The following ZBTB49 variants were observed in gnomAD, a reference collection of about 807,000 sequenced individuals.
ZBTB49 encodes zinc finger and BTB domain containing 49.
Under a neutral mutation model 57.5 loss-of-function variants are expected in ZBTB49, and 43 were observed. That is an observed-to-expected ratio of 0.75 (90% CI 0.59 to 0.97). The LOEUF is 0.97. ZBTB49 is among the 50% of genes least tolerant of loss of function. The pLI, the probability that ZBTB49 is intolerant of heterozygous loss-of-function variation, is 0.00. For synonymous variants in ZBTB49, 369 were observed against 362.1 expected, an observed-to-expected ratio of 1.02 and a Z score of -0.22; for missense variants, 938 against 947.7, an observed-to-expected ratio of 0.99 and a Z score of 0.13.
Position 4,315,969 on chromosome 4 carries a change from C to A in ZBTB49, c.1620C>A (p.Cys540Ter). Reference protein sequence around the residue: ...TGERPYSCSACGKCFGGSGDL... With the variant: ...TGERPYSCSA ...AGCGGCCTTACAGCTGCTCTGCCTG[C>A]GGTGAGTTTGGGTTTCTGGCTGTCC... Residue 540 changes from cysteine (C) to a stop codon, truncating the protein, a stop_gained and splice_region_variant, in exon 7 of 8, where the codon TGC becomes TGA. Transcript: ENST00000337872. LOFTEE classifies it low-confidence loss of function (END_TRUNC). 1 of 1,613,614 alleles carries A rather than the reference C, an allele frequency of 6.2e-7. No homozygotes were observed.
chr4:4,292,163 C>A (rs1195911128), intron 1 of ZBTB49, among the ~76,000 whole-genome samples: 4 of 152,162 alleles, frequency 2.6e-5, no homozygotes, highest in Non-Finnish European at 5.9e-5. Flanking sequence ...TGCCTGTAAT[C>A]CCAGCTACTC....
rs368884586 is a variant in ZBTB49, at chr4:4,303,135, C to T, written c.1255+44C>T. The T allele has an allele frequency of 4.4e-5, 67 of 1,514,368 alleles. No homozygotes were observed. The African/African-American group carries it at 7.7e-4, about 17-fold the overall frequency. 93.8% of individuals were successfully genotyped at this position (1,514,368 alleles called of 1,614,324 possible). Reference sequence around the variant, plus strand: ...ACAGGCAGAAGGGAAGGACGTAATGCGGATGCTCAGACACCACTGGCTCTT... The same window carrying T: ...ACAGGCAGAAGGGAAGGACGTAATGTGGATGCTCAGACACCACTGGCTCTT... On this transcript the variant is annotated intron_variant, in intron 3 of 7. Coordinates refer to ENST00000337872, the MANE Select transcript of ZBTB49 (RefSeq NM_145291.4).
intron 1 of ZBTB49, 64 bp from the exon 2 acceptor site, chr4:4,299,863 G>C: frequency 6.7e-7 from 1 of 1,499,342 alleles, no homozygotes; most frequent in Non-Finnish European, 9.1e-7. Flanking sequence ...GTAAGTTTCA[G>C]TCCCATTTAG....
chr4:4,307,863 A>G (rs756962325), intron 4 of ZBTB49, among the ~76,000 whole-genome samples: 3 of 152,202 alleles, frequency 2.0e-5, no homozygotes, highest in Non-Finnish European at 4.4e-5. Context: ...ACTAGAGCTG[A>G]AAGCCCTTTA....
Position 4,314,909 on chromosome 4 carries a change from T to A in ZBTB49, c.1377-727T>A, listed in dbSNP as rs186511809. Among the ~76,000 whole-genome samples, 189 of 152,326 alleles carry A rather than the reference T, an allele frequency of 1.2e-3. 4 individuals are homozygous for A. The East Asian group carries it at 0.033, about 26-fold the overall frequency. On this transcript the variant is annotated intron_variant, in intron 5 of 7. Coordinates refer to ENST00000337872, the MANE Select transcript of ZBTB49 (RefSeq NM_145291.4). ...GAATGACTAGATGGGATAATGGTTG[T>A]TAAACATGTAACCGATCACCTGCAC... is the stretch of plus-strand genomic sequence containing the variant.
chr4:4,304,926 T>G (rs543914608), intron 3 of ZBTB49, among the ~76,000 whole-genome samples: 2 of 83,752 alleles, frequency 2.4e-5, no homozygotes, highest in Non-Finnish European at 4.8e-5. Flanking sequence ...CAAAAGCTCT[T>G]TAGGACCTCA....
At chr4:4,295,766 C>G (rs569364619) in intron 1 of ZBTB49, among the ~76,000 whole-genome samples, 13 of 152,204 alleles carry the variant, frequency 8.5e-5, no homozygotes, top group African/African-American at 2.9e-4. Context: ...GATCTCAAAC[C>G]AGGAGATCAT....
At chr4:4,296,535 T>G (rs1297345846) in intron 1 of ZBTB49, among the ~76,000 whole-genome samples, 1 of 152,198 alleles carries the variant, frequency 6.6e-6, no homozygotes, top group Non-Finnish European at 1.5e-5. Flanking sequence ...CCTCCTTGCC[T>G]TTCACCTTCT....
At chr4:4,296,954 C>T (rs1720231743) in intron 1 of ZBTB49, among the ~76,000 whole-genome samples, 1 of 152,184 alleles carries the variant, frequency 6.6e-6, no homozygotes, top group Non-Finnish European at 1.5e-5. Context: ...AGGCATGTTT[C>T]ATCCCATGAA....
Position 4,302,945 on chromosome 4 carries a change from T to C in ZBTB49, c.1109T>C (p.Ile370Thr). 1.2e-6 allele frequency: 2 copies of C among 1,614,216 alleles called. No homozygotes were observed. The highest frequency in any genetic ancestry group is 4.5e-5 in the East Asian group (2 of 44,894). The change falls in exon 3 of 8, where the codon ATT (isoleucine) becomes ACT (threonine). Residue 370 changes from isoleucine (I) to threonine (T), a missense_variant. Around this residue, in one of 3 missense-constraint regions of ZBTB49, gnomAD observed 835 missense variants for 819.1 expected, o/e 1.02. Coordinates refer to ENST00000337872, the MANE Select transcript of ZBTB49 (RefSeq NM_145291.4). ...GTCAGTTGTGAGAATTTTAATTGCA[T>C]TAGTGAGACGGAGAGGCCTGAAGAC... ...EVVSCENFNC[I>T]SETERPEDPA...
intron 4 of ZBTB49, 37 bp from the exon 5 acceptor site, chr4:4,313,004 T>C (rs758923549): frequency 1.0e-5 from 16 of 1,606,610 alleles, no homozygotes; most frequent in Middle Eastern, 1.7e-4. Flanking sequence ...CCAAAAACTT[T>C]CATTATTGGT....
Position 4,321,465 on chromosome 4 carries a change from G to A in ZBTB49, c.*149G>A. 2.3e-6 allele frequency: 2 copies of A among 874,610 alleles called. No individual in the cohort carries two copies. The allele number at this position is 874,610 out of a possible 1,614,324, so 54.2% of individuals were successfully genotyped here. The stretch of plus-strand genomic sequence containing the variant: ...TCCTGATGATGGCTCATAATCTGAA[G>A]CATCTTGAGCTGGGGGTGTGAGGGG... On this transcript the variant is annotated 3_prime_UTR_variant, in exon 8 of 8. Transcript: ENST00000337872.
intron 1 of ZBTB49, among the ~76,000 whole-genome samples, chr4:4,298,853 G>A (rs1222284136): frequency 1.3e-5 from 2 of 152,194 alleles, no homozygotes; most frequent in Non-Finnish European, 2.9e-5. Context: ...TTACTGGCCT[G>A]TGTATACCAG....
Position 4,321,280 on chromosome 4 carries a change from G to A in ZBTB49, c.2262G>A (p.Met754Ile). ...FSSMTLWGLAMKTLQNENELD... is the reference protein window; with the variant it reads ...FSSMTLWGLAIKTLQNENELD... Reference sequence around the variant, plus strand: ...GCATGACTCTCTGGGGGCTAGCGATGAAGACGCTGCAGAATGAAAACGAGT... The same window carrying A: ...GCATGACTCTCTGGGGGCTAGCGATAAAGACGCTGCAGAATGAAAACGAGT... The change falls in exon 8 of 8, where the codon ATG becomes ATA. Residue 754 changes from methionine to isoleucine, a missense_variant. This residue lies in a region of ZBTB49 where 835 missense variants were observed against 819.1 expected (regional missense o/e 1.02). Coordinates refer to ENST00000337872, the MANE Select transcript of ZBTB49 (RefSeq NM_145291.4). 1 of 1,613,398 alleles carries A rather than the reference G, an allele frequency of 6.2e-7. No homozygotes were observed. The highest frequency in any genetic ancestry group is 8.5e-7 in the Non-Finnish European group (1 of 1,180,042).
At chr4:4,305,978 G>T (rs1007273567) in intron 3 of ZBTB49, among the ~76,000 whole-genome samples, 160 bp from the exon 4 acceptor site, 2 of 152,192 alleles carry the variant, frequency 1.3e-5, no homozygotes, top group Non-Finnish European at 2.9e-5. Flanking sequence ...AGAAATAAAG[G>T]CAAGAGAGAA....
intron 3 of ZBTB49, among the ~76,000 whole-genome samples, chr4:4,305,130 G>A (rs1184585015): frequency 2.0e-5 from 3 of 146,356 alleles, no homozygotes; most frequent in African/African-American, 5.1e-5. Flanking sequence ...TTCATTTATT[G>A]CAATACAGAA....
rs1214556584 is a variant in ZBTB49, at chr4:4,302,451, G to A, written c.615G>A (p.Leu205=). The change falls in exon 3 of 8, where the codon CTG becomes CTA. Residue 205 remains leucine, a synonymous_variant. Coordinates refer to ENST00000337872, the MANE Select transcript of ZBTB49 (RefSeq NM_145291.4). ...PDTSDGSCTE[L]PFKQPNYYYK... ...CTTCAGATGGCAGCTGCACAGAACTGCCTTTCAAACAGCCAAATTACTATT... is the reference window on the plus strand; with the variant it reads ...CTTCAGATGGCAGCTGCACAGAACTACCTTTCAAACAGCCAAATTACTATT... 2.1e-5 allele frequency: 34 copies of A among 1,614,200 alleles called. No homozygotes were observed. The highest frequency in any genetic ancestry group is 2.9e-5 in the Non-Finnish European group (34 of 1,180,032).
Position 4,292,321 on chromosome 4 carries a change from C to G in ZBTB49, c.-20+1969C>G, listed in dbSNP as rs113747149. Among the ~76,000 whole-genome samples the G allele has an allele frequency of 8.3e-3, 1,260 of 152,268 alleles. 24 individuals are homozygous for G. The highest frequency in any genetic ancestry group is 0.029 in the African/African-American group (1,189 of 41,552). ...ATAACTCTGGTACAGTGCAACGATACTTGTTTTTCCCACTAGACTGATGCT... is the reference window on the plus strand; with the variant it reads ...ATAACTCTGGTACAGTGCAACGATAGTTGTTTTTCCCACTAGACTGATGCT... On this transcript the variant is annotated intron_variant, in intron 1 of 7. Coordinates refer to ENST00000337872, the MANE Select transcript of ZBTB49 (RefSeq NM_145291.4).
chr4:4,317,531 C>T (rs754743698), intron 7 of ZBTB49, among the ~76,000 whole-genome samples: 11 of 152,122 alleles, frequency 7.2e-5, no homozygotes, highest in Non-Finnish European at 8.8e-5. Flanking sequence ...GGTTCTGTCT[C>T]TGTGGACTTG....
Sources: allele counts gnomAD v4.1 joint callset (sites outside exome capture counted in the v4.1 genomes callset), GRCh38; gene constraint gnomAD v4.1.1; regional missense constraint gnomAD v4.1.1; transcripts MANE v1.5; gene names NCBI Gene and HGNC (gene_info 2026-07-23, HGNC 2026-07-21).